Variants in INPP4B observed in about 807,000 individuals in gnomAD.
The protein encoded by INPP4B is inositol polyphosphate-4-phosphatase type II B.
INPP4B carries 55 observed loss-of-function variants against 122.5 expected under a neutral mutation model. The ratio of observed to expected loss-of-function variants is 0.45; its 90% CI spans 0.36 to 0.56. INPP4B has a LOEUF of 0.56. Among genes scored for constraint, INPP4B ranks in the 20% least tolerant of loss-of-function variants. INPP4B has a pLI of 0.00. For missense variants in INPP4B, 1,000 were observed against 1,097.7 expected, an observed-to-expected ratio of 0.91 and a Z score of 1.26; for synonymous variants, 403 against 388.7, an observed-to-expected ratio of 1.04 and a Z score of -0.43.
intron 1 of INPP4B, among the ~76,000 whole-genome samples, chr4:142,730,094 TAC>T (rs1490799661): frequency 6.6e-6 from 1 of 152,120 alleles, no homozygotes; most frequent in African/African-American, 2.4e-5. Flanking sequence ...ATATTTCGAG[TAC>T]ACCTTCAGTT....
chr4:142,202,236 T>C (rs1021073176), intron 14 of INPP4B, among the ~76,000 whole-genome samples: 6 of 152,190 alleles, frequency 3.9e-5, no homozygotes, highest in African/African-American at 1.4e-4. Context: ...AGCCATTTAA[T>C]AATAGAAATG....
chr4:142,624,643 T>C (rs986988832), intron 2 of INPP4B, among the ~76,000 whole-genome samples: 1 of 152,080 alleles, frequency 6.6e-6, no homozygotes, highest in East Asian at 1.9e-4. Context: ...GCCAGCATCA[T>C]CCTGATACCA....
intron 12 of INPP4B, among the ~76,000 whole-genome samples, chr4:142,217,853 G>T (rs1847951706): frequency 6.6e-6 from 1 of 152,122 alleles, no homozygotes; most frequent in South Asian, 2.1e-4. Flanking sequence ...AGTAAGAGAG[G>T]AATCTCCTGC....
intron 9 of INPP4B, among the ~76,000 whole-genome samples, chr4:142,296,486 C>T (rs1024571055): frequency 2.0e-5 from 3 of 152,242 alleles, no homozygotes; most frequent in Admixed American, 6.5e-5. Context: ...AAACAAAAAC[C>T]GGCACTAGAG....
chr4:142,460,177 C>T (rs1204148351), intron 3 of INPP4B, among the ~76,000 whole-genome samples: 1 of 152,004 alleles, frequency 6.6e-6, no homozygotes, highest in South Asian at 2.1e-4. Flanking sequence ...TTTGCAAATC[C>T]CATTTTAGAG....
At chr4:142,409,744 G>A (rs976062810) in intron 5 of INPP4B, among the ~76,000 whole-genome samples, 27 of 152,182 alleles carry the variant, frequency 1.8e-4, no homozygotes, top group African/African-American at 6.3e-4. Flanking sequence ...CAGTCACTGT[G>A]CAGGTGAACA....
chr4:142,609,441 A>G (rs78661202), intron 2 of INPP4B, among the ~76,000 whole-genome samples: 1 of 152,046 alleles, frequency 6.6e-6, no homozygotes, highest in Non-Finnish European at 1.5e-5. Flanking sequence ...GAAAAAAAAA[A>G]GTTATCTCTC....
At chr4:142,766,744 C>T (rs2150987411) in intron 1 of INPP4B, 1 of 152,118 alleles carries the variant, frequency 6.6e-6, no homozygotes, top group African/African-American at 2.4e-5. Flanking sequence ...TTACCTAAGA[C>T]CATAGGAGGC....
chr4:142,595,163 T>C (rs1738433415), intron 2 of INPP4B, among the ~76,000 whole-genome samples: 1 of 152,088 alleles, frequency 6.6e-6, no homozygotes, highest in Non-Finnish European at 1.5e-5. Flanking sequence ...ATAAATTTGG[T>C]ACATTACCTA....
chr4:142,039,184 C>T (rs1385453823), intron 25 of INPP4B, among the ~76,000 whole-genome samples: 2 of 152,046 alleles, frequency 1.3e-5, no homozygotes, highest in Non-Finnish European at 2.9e-5. Context: ...ATTTTTTCTA[C>T]TAATAGAATA....
intron 7 of INPP4B, among the ~76,000 whole-genome samples, chr4:142,372,954 C>G (rs1020123207): frequency 6.6e-6 from 1 of 152,016 alleles, no homozygotes; most frequent in Non-Finnish European, 1.5e-5. Context: ...CCTTCTATAA[C>G]TGCCTACACA....
intron 7 of INPP4B, among the ~76,000 whole-genome samples, chr4:142,316,428 T>G (rs1246419257): frequency 1.3e-5 from 2 of 152,328 alleles, no homozygotes; most frequent in African/African-American, 4.8e-5. Flanking sequence ...GTGCATGGAT[T>G]ATACATAGTA....
chr4:142,404,489 T>C (rs1485541044), intron 6 of INPP4B, among the ~76,000 whole-genome samples: 2 of 152,148 alleles, frequency 1.3e-5, no homozygotes, highest in Non-Finnish European at 2.9e-5. Flanking sequence ...CAGAACAAAA[T>C]AATCCAAAGG....
chr4:142,310,552 A>G (rs1284344670), intron 8 of INPP4B, among the ~76,000 whole-genome samples: 1 of 152,216 alleles, frequency 6.6e-6, no homozygotes, highest in African/African-American at 2.4e-5. Context: ...TCATCATAAA[A>G]CAACACATAG....
intron 2 of INPP4B, among the ~76,000 whole-genome samples, chr4:142,472,205 T>C (rs996522035): frequency 6.6e-6 from 1 of 151,910 alleles, no homozygotes; most frequent in African/African-American, 2.4e-5. Context: ...ATAATACATT[T>C]ATGAAGAAAA....
intron 1 of INPP4B, among the ~76,000 whole-genome samples, chr4:142,803,486 AT>A (rs76149047): frequency 1.9e-4 from 28 of 151,234 alleles, no homozygotes; most frequent in Admixed American, 9.9e-4. Context: ...TCTTCTTTAC[AT>A]TTTTTTCATA....
chr4:142,300,764 T>C (rs954728661), intron 9 of INPP4B, among the ~76,000 whole-genome samples: 4 of 152,146 alleles, frequency 2.6e-5, no homozygotes, highest in Admixed American at 6.6e-5. Context: ...TAAAATATAA[T>C]TATATATCCA....
At chr4:142,217,335 T>C (rs1847704513) in intron 12 of INPP4B, among the ~76,000 whole-genome samples, 1 of 152,226 alleles carries the variant, frequency 6.6e-6, no homozygotes. Context: ...TTTATTCATC[T>C]TTTTGTCCAA....
chr4:142,095,257 C>G (rs1781326437), intron 23 of INPP4B, among the ~76,000 whole-genome samples: 2 of 152,018 alleles, frequency 1.3e-5, no homozygotes, highest in African/African-American at 2.4e-5. Context: ...AAACAAAAGA[C>G]GTTGCAGTTG....
Sources: allele counts gnomAD v4.1 joint callset (sites outside exome capture counted in the v4.1 genomes callset), GRCh38; gene constraint gnomAD v4.1.1; transcripts MANE v1.5; gene names NCBI Gene and HGNC (gene_info 2026-07-23, HGNC 2026-07-21).